ARSB: variants seen among roughly 807,000 people sequenced by gnomAD.
The protein encoded by ARSB is arylsulfatase B.
A neutral mutation model predicts 50.9 loss-of-function variants in ARSB; 41 were observed. That is an observed-to-expected ratio of 0.81 (90% CI 0.63 to 1.04). The LOEUF (loss-of-function observed/expected upper bound fraction) is 1.04. Among genes scored for constraint, ARSB ranks in the 50% least tolerant of loss-of-function variants. The pLI is 0.00. For synonymous variants in ARSB, 269 were observed against 284.8 expected (o/e 0.94, Z 0.56); for missense variants, 672 against 693.3 (o/e 0.97, Z 0.35).
At chr5:78,863,902 A>C (rs1304334725) in intron 5 of ARSB, among the ~76,000 whole-genome samples, 1 of 148,354 alleles carries the variant, frequency 6.7e-6, no homozygotes, top group Non-Finnish European at 1.5e-5. Flanking sequence ...TGGAATAAGA[A>C]CCTAAGAACA....
intron 1 of ARSB, among the ~76,000 whole-genome samples, chr5:78,977,432 A>G (rs556059217): frequency 6.6e-6 from 1 of 152,134 alleles, no homozygotes; most frequent in East Asian, 1.9e-4. Context: ...GGGATTACAG[A>G]CGTGAGCCAC....
At chr5:78,979,379 G>A (rs552063530) in intron 1 of ARSB, among the ~76,000 whole-genome samples, 5 of 152,318 alleles carry the variant, frequency 3.3e-5, no homozygotes, top group East Asian at 3.9e-4. Flanking sequence ...ACCCACATAC[G>A]TTGCTAGTGG....
At chr5:78,932,336 A>T (rs1009982941) in intron 4 of ARSB, among the ~76,000 whole-genome samples, 1 of 152,228 alleles carries the variant, frequency 6.6e-6, no homozygotes, top group Non-Finnish European at 1.5e-5. Context: ...TCATTATCAG[A>T]TGGACTCACC....
intron 5 of ARSB, 63 bp from the exon 6 acceptor site, chr5:78,839,489 T>C: frequency 1.4e-6 from 2 of 1,417,316 alleles, no homozygotes; most frequent in Non-Finnish European, 2.0e-6. Flanking sequence ...ATTATTTTAA[T>C]ACTTCCCTTC....
intron 5 of ARSB, among the ~76,000 whole-genome samples, chr5:78,868,789 C>T (rs1232723570): frequency 7.1e-6 from 1 of 141,348 alleles, no homozygotes; most frequent in Non-Finnish European, 1.5e-5. Context: ...ATCATAATGA[C>T]AGGATCAAAT....
intron 4 of ARSB, among the ~76,000 whole-genome samples, chr5:78,910,792 G>A (rs577207393): frequency 2.0e-5 from 3 of 152,290 alleles, no homozygotes; most frequent in South Asian, 4.1e-4. Context: ...ATAGTGTGTC[G>A]AATCACCTAG....
intron 6 of ARSB, among the ~76,000 whole-genome samples, chr5:78,803,800 T>C (rs770114268): frequency 7.2e-5 from 11 of 152,242 alleles, no homozygotes; most frequent in Non-Finnish European, 1.6e-4. Flanking sequence ...CAACAAATAT[T>C]TACTGAGCAT....
At chr5:78,890,838 C>G (rs1294446321) in intron 4 of ARSB, among the ~76,000 whole-genome samples, 1 of 152,152 alleles carries the variant, frequency 6.6e-6, no homozygotes, top group African/African-American at 2.4e-5. Context: ...CTAATTTTGC[C>G]TTTGCACATG....
chr5:78,815,435 A>C (rs1743952772), intron 6 of ARSB: 1 of 701,240 alleles, frequency 1.4e-6, no homozygotes, highest in Non-Finnish European at 1.7e-6. Context: ...AAATTAGAAC[A>C]AGACACCCCT....
Position 78,851,520 on chromosome 5 carries a change from A to G in ARSB, c.1143-12094T>C, listed in dbSNP as rs1178255356. ...TGGAATAGGTGTGGTGTGGTGCTGA[A>G]AAAAATGTATATTCTGTTGACTTGG... is the stretch of plus-strand genomic sequence containing the variant. On this transcript the variant is annotated intron_variant, in intron 5 of 7. Coordinates refer to ENST00000264914, the MANE Select transcript of ARSB (RefSeq NM_000046.5). Among the ~76,000 whole-genome samples the G allele has an allele frequency of 3.3e-5, 5 of 152,200 alleles. No individual in the cohort carries two copies. In the East Asian group the frequency reaches 9.6e-4, roughly 29 times the overall value.
chr5:78,908,748 G>C (rs61705920), intron 4 of ARSB, among the ~76,000 whole-genome samples: 2,394 of 61,272 alleles, frequency 0.039, 75 homozygotes, highest in African/African-American at 0.12. Flanking sequence ...TTTTTTTTTT[G>C]ACATGCATGC....
At chr5:78,827,504 C>A (rs1038625122) in intron 6 of ARSB, among the ~76,000 whole-genome samples, 1 of 152,184 alleles carries the variant, frequency 6.6e-6, no homozygotes, top group African/African-American at 2.4e-5. Flanking sequence ...AGCCACTGTG[C>A]CCAGCCCCTC....
chr5:78,921,280 A>C (rs139907162), intron 4 of ARSB, among the ~76,000 whole-genome samples: 24 of 152,316 alleles, frequency 1.6e-4, no homozygotes, highest in African/African-American at 5.5e-4. Flanking sequence ...TGAGCTGTTC[A>C]AAACAATACC....
intron 4 of ARSB, among the ~76,000 whole-genome samples, chr5:78,892,956 T>C (rs1326281791): frequency 6.6e-6 from 1 of 152,124 alleles, no homozygotes; most frequent in Non-Finnish European, 1.5e-5. Context: ...AAATAACCGA[T>C]TGATACGGTT....
chr5:78,932,474 C>A (rs1165421229), intron 4 of ARSB, among the ~76,000 whole-genome samples: 1 of 152,168 alleles, frequency 6.6e-6, no homozygotes, highest in Non-Finnish European at 1.5e-5. Flanking sequence ...GTCTCTAAAA[C>A]CCTTTCCAGC....
At chr5:78,921,453 ACATCT>A (rs1196065407) in intron 4 of ARSB, among the ~76,000 whole-genome samples, 3 of 152,198 alleles carry the variant, frequency 2.0e-5, no homozygotes, top group Non-Finnish European at 4.4e-5. Context: ...AGACTGTAAA[ACATCT>A]CATCAATAAC....
intron 4 of ARSB, among the ~76,000 whole-genome samples, chr5:78,934,775 GAC>G (rs1750504924): frequency 6.6e-6 from 1 of 152,132 alleles, no homozygotes; most frequent in African/African-American, 2.4e-5. Context: ...CGGCCTGGGT[GAC>G]AGAGCGAGAT....
intron 4 of ARSB, among the ~76,000 whole-genome samples, chr5:78,927,639 C>T (rs573523441): frequency 1.3e-5 from 2 of 152,330 alleles, no homozygotes; most frequent in East Asian, 1.9e-4. Flanking sequence ...CTTTCACCCA[C>T]CACCAATTCT....
chr5:78,931,253 T>G (rs1052718763), intron 4 of ARSB, among the ~76,000 whole-genome samples: 1 of 152,232 alleles, frequency 6.6e-6, no homozygotes, highest in Non-Finnish European at 1.5e-5. Context: ...TTTCATTTTT[T>G]TTCTTAGAAA....
Sources: allele counts gnomAD v4.1 joint callset (sites outside exome capture counted in the v4.1 genomes callset), GRCh38; gene constraint gnomAD v4.1.1; transcripts MANE v1.5; gene names NCBI Gene and HGNC (gene_info 2026-07-23, HGNC 2026-07-21).